ASAP2: variants seen among roughly 807,000 people sequenced by gnomAD.
The protein encoded by ASAP2 is arf-GAP with SH3 domain, ANK repeat and PH domain-containing protein 2.
In ASAP2, 45 loss-of-function variants were observed where a neutral mutation model predicts 131.4. The ratio of observed to expected loss-of-function variants is 0.34; its 90% confidence interval spans 0.27 to 0.44. The LOEUF (loss-of-function observed/expected upper bound fraction) is 0.44, where lower values mean the gene tolerates loss of function less well. Among genes scored for constraint, ASAP2 ranks in the 20% least tolerant of loss-of-function variants. The pLI, the probability that ASAP2 is intolerant of heterozygous loss-of-function variation, is 1.00. For missense variants in ASAP2, 1,011 were observed against 1,297.0 expected, an observed-to-expected ratio of 0.78 and a Z score of 3.39; for synonymous variants, 510 against 503.0, an observed-to-expected ratio of 1.01 and a Z score of -0.19.
chr2:9,298,289 C>G (rs1180912464), intron 3 of ASAP2, among the ~76,000 whole-genome samples: 1 of 152,174 alleles, frequency 6.6e-6, no homozygotes, highest in African/African-American at 2.4e-5. Context: ...AAACATAGCT[C>G]ATTCCTGAGA....
chr2:9,275,693 C>T (rs1666718058), intron 1 of ASAP2, among the ~76,000 whole-genome samples: 1 of 152,148 alleles, frequency 6.6e-6, no homozygotes, highest in Admixed American at 6.5e-5. Context: ...AGCACTGTTG[C>T]CTGGCACTTG....
chr2:9,260,533 G>C (rs1232179677), intron 1 of ASAP2, among the ~76,000 whole-genome samples: 1 of 152,164 alleles, frequency 6.6e-6, no homozygotes, highest in African/African-American at 2.4e-5. Context: ...GGCTGGCCAG[G>C]CTCTAAAAGG....
intron 1 of ASAP2, among the ~76,000 whole-genome samples, chr2:9,242,415 C>T (rs1664038816): frequency 6.6e-6 from 1 of 152,218 alleles, no homozygotes; most frequent in South Asian, 2.1e-4. Context: ...GCCTTTTCTT[C>T]TGGTAGGGTC....
chr2:9,349,383 TAAAGTA>T (rs1672184837), intron 11 of ASAP2, among the ~76,000 whole-genome samples: 3 of 152,204 alleles, frequency 2.0e-5, no homozygotes, highest in Admixed American at 2.0e-4. Flanking sequence ...ACACCCGTGT[TAAAGTA>T]CTTGGTTGCA....
chr2:9,275,948 C>T (rs929035342), intron 1 of ASAP2, among the ~76,000 whole-genome samples: 5 of 152,310 alleles, frequency 3.3e-5, no homozygotes, highest in Non-Finnish European at 7.3e-5. Context: ...TCCGTAGACA[C>T]GTGCTGGTAG....
At chr2:9,395,594 CTTTTTTTTTTTTTTTTTTTT>C in intron 24 of ASAP2, among the ~76,000 whole-genome samples, 4 of 59,048 alleles carry the variant, frequency 6.8e-5, no homozygotes, top group Admixed American at 4.6e-4. Context: ...TGTTTTTTTT[CTTTTTTTTTTTTTTTTTTTT>C]TTTTTTTTTT....
chr2:9,240,181 A>G (rs1237946984), intron 1 of ASAP2, among the ~76,000 whole-genome samples: 1 of 151,778 alleles, frequency 6.6e-6, no homozygotes, highest in Non-Finnish European at 1.5e-5. Flanking sequence ...GCAGCCAGCT[A>G]ATATTGAACT....
intron 1 of ASAP2, among the ~76,000 whole-genome samples, chr2:9,267,678 C>G (rs1394959693): frequency 6.6e-6 from 1 of 152,040 alleles, no homozygotes; most frequent in African/African-American, 2.4e-5. Context: ...GGGTGGATCA[C>G]TTGAGGCCGG....
chr2:9,318,163 T>C (rs949448427), intron 3 of ASAP2, among the ~76,000 whole-genome samples: 1 of 152,206 alleles, frequency 6.6e-6, no homozygotes, highest in Non-Finnish European at 1.5e-5. Flanking sequence ...GGAGCCGTGA[T>C]TGAGAGTCAG....
chr2:9,326,095 A>G lies in ASAP2; in HGVS notation c.601-1731A>G, dbSNP rs140776835. ...AGATTGCCTGCATTAAAATCATGTT[A>G]AAAGGCCGGGCAGGGTGGCTCACAC... is the stretch of plus-strand genomic sequence containing the variant. On this transcript the variant is annotated intron_variant, in intron 6 of 27. Coordinates refer to ENST00000281419, the MANE Select transcript of ASAP2 (RefSeq NM_003887.3). 6.0e-4 allele frequency among the ~76,000 whole-genome samples: 92 copies of G among 152,284 alleles called. No homozygotes were observed. The Middle Eastern group carries it at 0.01, about 17-fold the overall frequency.
rs147437216 is a variant in ASAP2 at position 9,298,246 on chromosome 2, G to A, written c.345+801G>A. Among the ~76,000 whole-genome samples, 454 of 152,202 alleles carry A rather than the reference G, an allele frequency of 3.0e-3. 4 individuals carry two copies. The highest frequency in any genetic ancestry group is 4.8e-3 in the Non-Finnish European group (327 of 68,018). ...GGCCACACACAACAGCATCTTTTTC[G>A]TGTCCTCTGTTAGGAAGCTCATAAC... On this transcript the variant is annotated intron_variant, in intron 3 of 27. Transcript: ENST00000281419.
chr2:9,229,094 C>T (rs990586860), intron 1 of ASAP2, among the ~76,000 whole-genome samples: 4 of 152,086 alleles, frequency 2.6e-5, no homozygotes, highest in African/African-American at 7.2e-5. Flanking sequence ...AGACAGGACT[C>T]GGCAGAGAAG....
intron 1 of ASAP2, among the ~76,000 whole-genome samples, chr2:9,242,580 A>G (rs930886767): frequency 3.9e-5 from 6 of 152,254 alleles, no homozygotes; most frequent in South Asian, 4.2e-4. Flanking sequence ...CTGTTCCCTG[A>G]GTCTTCATCC....
chr2:9,377,014 G>A (rs776792184), intron 18 of ASAP2, 21 bp downstream of exon 18: 1 of 1,594,842 alleles, frequency 6.3e-7, no homozygotes, highest in Non-Finnish European at 8.6e-7. Context: ...TGAAATTAAG[G>A]GAGGCACTCG....
chr2:9,304,387 G>A (rs1437156299), intron 3 of ASAP2, among the ~76,000 whole-genome samples: 1 of 151,050 alleles, frequency 6.6e-6, no homozygotes, highest in Non-Finnish European at 1.5e-5. Context: ...GAAAAAAATT[G>A]TTTGCCAAAT....
chr2:9,331,783 C>T (rs1441079100), intron 7 of ASAP2, among the ~76,000 whole-genome samples: 2 of 151,974 alleles, frequency 1.3e-5, no homozygotes, highest in African/African-American at 4.8e-5. Flanking sequence ...AAAATACAAC[C>T]ATGGTTTGAA....
chr2:9,243,330 G>A (rs1006218834), intron 1 of ASAP2, among the ~76,000 whole-genome samples: 9 of 152,100 alleles, frequency 5.9e-5, no homozygotes, highest in Middle Eastern at 3.2e-3. Context: ...GGATGGTCTC[G>A]ATCTCCTGAC....
At chr2:9,328,409 G>A (rs943831433) in intron 7 of ASAP2, among the ~76,000 whole-genome samples, 3 of 152,158 alleles carry the variant, frequency 2.0e-5, no homozygotes, top group Admixed American at 1.3e-4. Flanking sequence ...GTAATTGCCA[G>A]ATATATTTAT....
intron 1 of ASAP2, chr2:9,271,533 A>G (rs1666395538): frequency 8.4e-6 from 13 of 1,540,460 alleles, no homozygotes; most frequent in East Asian, 2.2e-5. Context: ...GAATTCTTAT[A>G]TGGATATAAT....
Sources: allele counts gnomAD v4.1 joint callset (sites outside exome capture counted in the v4.1 genomes callset), GRCh38; gene constraint gnomAD v4.1.1; transcripts MANE v1.5; gene names NCBI Gene and HGNC (gene_info 2026-07-23, HGNC 2026-07-21).